TPTE2: variants seen among roughly 807,000 people sequenced by gnomAD.
The protein encoded by TPTE2 is phosphatidylinositol 3,4,5-trisphosphate 3-phosphatase TPTE2.
A neutral mutation model predicts 78.6 loss-of-function variants in TPTE2; 53 were observed. The ratio of observed to expected loss-of-function variants is 0.67; its 90% CI spans 0.54 to 0.85. The LOEUF (loss-of-function observed/expected upper bound fraction) is 0.85. TPTE2 is among the 40% of genes least tolerant of loss of function. The probability of loss-of-function intolerance (pLI) is 0.00; values close to 1 mark genes in which losing one functional copy is unlikely to be tolerated. For synonymous variants in TPTE2, 175 were observed against 206.2 expected (o/e 0.85, Z 1.30); for missense variants, 461 against 623.0 (o/e 0.74, Z 2.77).
the TPTE2 span, among the ~76,000 whole-genome samples, chr13:19,553,816 G>T: frequency 5.3e-5 from 8 of 152,210 alleles, no homozygotes; most frequent in African/African-American, 7.2e-5. Flanking sequence ...AAGGACACAA[G>T]GAAACTTTGG....
chr13:19,553,619 A>C, the TPTE2 span, among the ~76,000 whole-genome samples: 1 of 152,382 alleles, frequency 6.6e-6, no homozygotes, highest in Non-Finnish European at 1.5e-5. Context: ...ACTCAGTAAT[A>C]AAATGTGTTA....
chr13:19,482,213 A>T (rs574232185), intron 4 of TPTE2, among the ~76,000 whole-genome samples: 8,674 of 150,112 alleles, frequency 0.058, 792 homozygotes, highest in African/African-American at 0.2. Flanking sequence ...CCTGTTTTTT[A>T]AAAAAAAACT....
chr13:19,517,124 A>G (rs1869842668), intron 1 of TPTE2, among the ~76,000 whole-genome samples: 1 of 152,102 alleles, frequency 6.6e-6, no homozygotes, highest in Non-Finnish European at 1.5e-5. Flanking sequence ...TTACCTACAG[A>G]TGAGACTGCT....
At chr13:19,456,003 C>T (rs1878517032) in intron 10 of TPTE2, among the ~76,000 whole-genome samples, 1 of 152,024 alleles carries the variant, frequency 6.6e-6, no homozygotes, top group Non-Finnish European at 1.5e-5. Context: ...CTCCTCTTAC[C>T]ATTTCTATTC....
chr13:19,503,631 C>G (rs1442859676), upstream of TPTE2, among the ~76,000 whole-genome samples: 1 of 152,202 alleles, frequency 6.6e-6, no homozygotes, highest in African/African-American at 2.4e-5. Context: ...GCCTTGAAAG[C>G]CCTCCATTAC....
At chr13:19,454,440 A>G (rs566057455) in intron 10 of TPTE2, among the ~76,000 whole-genome samples, 48 of 152,304 alleles carry the variant, frequency 3.2e-4, no homozygotes, top group Admixed American at 2.9e-3. Context: ...ACATGCAATC[A>G]CTGAAGGGCT....
chr13:19,439,803 C>T lies in TPTE2; in HGVS notation c.974-1650G>A, dbSNP rs148356696. Reference sequence around the variant, plus strand: ...CTAAAAAAATTCACTTAAGGAATTTCAAAATACAACTGAAAACTTTATCAA... The same window carrying T: ...CTAAAAAAATTCACTTAAGGAATTTTAAAATACAACTGAAAACTTTATCAA... On this transcript the variant is annotated intron_variant, in intron 13 of 19. Transcript: ENST00000400230. 6.4e-3 allele frequency among the ~76,000 whole-genome samples: 972 copies of T among 152,212 alleles called. 13 individuals are homozygous for T. Among genetic ancestry groups the T allele is most frequent in the African/African-American group, 0.023 (948 of 41,534 alleles).
rs554079434 is a variant in TPTE2, at chr13:19,486,439, C to T, written c.120-3892G>A. On this transcript the variant is annotated intron_variant, in intron 3 of 19. Coordinates refer to ENST00000400230, the Ensembl canonical transcript of TPTE2. The surrounding 1 kb of genome is among the most constrained non-coding windows in gnomAD (Gnocchi z 4.3). ...AGAAAACTTGGAGTATGGCCTTATG[C>T]GGCTGGCCATGGTGCTGTCACTCTA... 2.6e-5 allele frequency among the ~76,000 whole-genome samples: 4 copies of T among 152,122 alleles called. No homozygotes were observed. Among genetic ancestry groups the T allele is most frequent in the Non-Finnish European group, 2.9e-5 (2 of 68,032 alleles).
chr13:19,554,477 A>T, the TPTE2 span, among the ~76,000 whole-genome samples: 1 of 152,046 alleles, frequency 6.6e-6, no homozygotes, highest in Non-Finnish European at 1.5e-5. Context: ...TTGCATCAGT[A>T]TCCCATTTTA....
chr13:19,556,177 T>G, the TPTE2 span, among the ~76,000 whole-genome samples: 29 of 152,286 alleles, frequency 1.9e-4, 1 homozygote, highest in East Asian at 5.0e-3. Context: ...ATTGTCCCTA[T>G]GCATTTTGCA....
At chr13:19,475,232 C>A (rs1422158813) in intron 5 of TPTE2, among the ~76,000 whole-genome samples, 2 of 142,752 alleles carry the variant, frequency 1.4e-5, no homozygotes, top group South Asian at 4.5e-4. Flanking sequence ...ATTTTTTTTT[C>A]TTTTTTTTTT....
chr13:19,467,289 T>C, exon 7 of TPTE2: 1 of 1,590,850 alleles, frequency 6.3e-7, no homozygotes, highest in Non-Finnish European at 8.5e-7. Flanking sequence ...AGCAGAGGAA[T>C]CACAATAATG....
chr13:19,527,485 T>C (rs1314013497), intron 1 of TPTE2, among the ~76,000 whole-genome samples: 2 of 152,128 alleles, frequency 1.3e-5, no homozygotes, highest in Non-Finnish European at 1.5e-5. Flanking sequence ...CATAAAAATA[T>C]AGTATATCTA....
the TPTE2 span, among the ~76,000 whole-genome samples, chr13:19,555,138 A>T: frequency 0.65 from 99,110 of 152,098 alleles, 34,831 homozygotes; most frequent in East Asian, 0.88. Flanking sequence ...TCAGATTACC[A>T]CATTTAATCC....
intron 19 of TPTE2, among the ~76,000 whole-genome samples, chr13:19,424,291 T>C (rs768100376): frequency 2.0e-5 from 3 of 152,238 alleles, no homozygotes; most frequent in Non-Finnish European, 4.4e-5. Context: ...ATGCTACTTA[T>C]AGTGGAGAAC....
the TPTE2 span, among the ~76,000 whole-genome samples, chr13:19,543,267 G>A: frequency 6.6e-6 from 1 of 151,332 alleles, no homozygotes; most frequent in South Asian, 2.1e-4. Context: ...TGGCCAGGCT[G>A]GTCTCGAACT....
chr13:19,535,230 T>A lies in TPTE2; in HGVS notation c.-44+1366A>T, dbSNP rs774327637. On this transcript the variant is annotated intron_variant, in intron 1 of 17. Transcript: ENST00000390680. This position sits in a 1 kb window ranked among gnomAD's most constrained non-coding sequence, Gnocchi z 5.1. ...AAAAACAAACAAACAAAAAAATATA[T>A]ATATATATATATTCTTTAGATCCAA... Among the ~76,000 whole-genome samples the A allele has an allele frequency of 0.14, 21,779 of 151,144 alleles. 1,930 individuals carry two copies. The highest frequency in any genetic ancestry group is 0.24 in the African/African-American group (9,804 of 41,182).
intron 1 of TPTE2, among the ~76,000 whole-genome samples, chr13:19,528,788 C>T (rs1870683491): frequency 6.6e-6 from 1 of 152,134 alleles, no homozygotes; most frequent in African/African-American, 2.4e-5. Flanking sequence ...CGGTTGGTGG[C>T]CACAAGTCCC....
chr13:19,524,630 G>A (rs1870386925), intron 1 of TPTE2, among the ~76,000 whole-genome samples: 1 of 152,194 alleles, frequency 6.6e-6, no homozygotes, highest in South Asian at 2.1e-4. Flanking sequence ...TTATACTCAG[G>A]AAGCAGGTTT....
Sources: allele counts gnomAD v4.1 joint callset (sites outside exome capture counted in the v4.1 genomes callset), GRCh38; gene constraint gnomAD v4.1.1; non-coding constraint Gnocchi (gnomAD v3.1); transcripts MANE v1.5; gene names NCBI Gene and HGNC (gene_info 2026-07-23, HGNC 2026-07-21).